Variants in CNTNAP5 observed in about 807,000 individuals in gnomAD.
CNTNAP5 encodes contactin-associated protein-like 5.
CNTNAP5 carries 72 observed loss-of-function variants against 150.2 expected under a neutral mutation model. The observed-to-expected ratio is 0.48, with a 90% CI of 0.40 to 0.58. The LOEUF (loss-of-function observed/expected upper bound fraction) is 0.58, where lower values mean the gene tolerates loss of function less well. Among genes scored for constraint, CNTNAP5 ranks in the 20% least tolerant of loss-of-function variants. CNTNAP5 has a pLI of 0.00. For missense variants in CNTNAP5, 1,636 were observed against 1,626.2 expected (o/e 1.01, Z -0.10); for synonymous variants, 672 against 619.8 (o/e 1.08, Z -1.25).
chr2:124,909,172 C>A (rs904083584), intron 22 of CNTNAP5, among the ~76,000 whole-genome samples: 4 of 152,146 alleles, frequency 2.6e-5, no homozygotes, highest in African/African-American at 9.7e-5. Flanking sequence ...TCCAGTCCTG[C>A]AGGCTCCATT....
At chr2:124,737,319 G>A (rs980646856) in intron 13 of CNTNAP5, among the ~76,000 whole-genome samples, 1 of 151,458 alleles carries the variant, frequency 6.6e-6, no homozygotes, top group Admixed American at 6.6e-5. Context: ...GGGAACGATA[G>A]CGTGATGTTG....
chr2:124,462,593 T>C (rs1432201175), intron 6 of CNTNAP5, among the ~76,000 whole-genome samples: 3 of 152,228 alleles, frequency 2.0e-5, no homozygotes, highest in African/African-American at 4.8e-5. Flanking sequence ...TAGTAGGTTT[T>C]AATTAGTGTG....
intron 1 of CNTNAP5, among the ~76,000 whole-genome samples, chr2:124,199,686 A>T (rs1175983146): frequency 6.6e-6 from 1 of 152,194 alleles, no homozygotes; most frequent in East Asian, 1.9e-4. Flanking sequence ...ACGAGCTGGG[A>T]TTACAGGCAT....
intron 17 of CNTNAP5, among the ~76,000 whole-genome samples, chr2:124,787,629 C>T (rs979954230): frequency 6.6e-6 from 1 of 152,164 alleles, no homozygotes; most frequent in Non-Finnish European, 1.5e-5. Context: ...CTTCTCTCCC[C>T]ACTCTCCCCT....
intron 11 of CNTNAP5, among the ~76,000 whole-genome samples, chr2:124,571,084 A>C (rs1696142412): frequency 6.6e-6 from 1 of 152,242 alleles, no homozygotes. Flanking sequence ...GGTTCCTGAC[A>C]AATACAAATT....
At position 124,636,603 on chromosome 2, in the gene CNTNAP5, G is replaced by A. The variant is rs187498166; in HGVS notation, c.1877-11155G>A. Among the ~76,000 whole-genome samples the A allele has an allele frequency of 3.6e-3, 545 of 152,028 alleles. 1 individual carries two copies. Among genetic ancestry groups the A allele is most frequent in the Non-Finnish European group, 6.3e-3 (429 of 67,986 alleles). On this transcript the variant is annotated intron_variant, in intron 12 of 23. Transcript: ENST00000682447. ...GTAATTTAGTTTAAATTTAGTAATA[G>A]CTTTCTGGTCATTATTTTGCCAATT...
At chr2:124,802,955 T>G (rs1197352998) in intron 19 of CNTNAP5, among the ~76,000 whole-genome samples, 1 of 151,736 alleles carries the variant, frequency 6.6e-6, no homozygotes, top group Admixed American at 6.6e-5. Context: ...AAAACTCATC[T>G]CTACAAAAAA....
chr2:124,884,072 C>T (rs1457555957), intron 21 of CNTNAP5, among the ~76,000 whole-genome samples: 4 of 151,994 alleles, frequency 2.6e-5, no homozygotes, highest in African/African-American at 9.7e-5. Context: ...TGTGTATGTG[C>T]ATATCTGTCA....
At chr2:124,850,356 G>A (rs1683130069) in intron 19 of CNTNAP5, among the ~76,000 whole-genome samples, 1 of 152,162 alleles carries the variant, frequency 6.6e-6, no homozygotes, top group Admixed American at 6.6e-5. Flanking sequence ...AAAATGAGAT[G>A]TGGATAGAGA....
intron 19 of CNTNAP5, among the ~76,000 whole-genome samples, chr2:124,857,187 C>T (rs934419177): frequency 1.3e-5 from 2 of 152,144 alleles, no homozygotes; most frequent in Non-Finnish European, 2.9e-5. Context: ...CACTTCAACT[C>T]GTGCAGCTCT....
At chr2:124,265,943 T>C (rs540241260) in intron 3 of CNTNAP5, among the ~76,000 whole-genome samples, 1 of 152,290 alleles carries the variant, frequency 6.6e-6, no homozygotes, top group Non-Finnish European at 1.5e-5. Context: ...CAAATGTGTC[T>C]AGTGTTGACA....
chr2:124,610,810 T>C (rs998377596), intron 12 of CNTNAP5, among the ~76,000 whole-genome samples: 3 of 151,972 alleles, frequency 2.0e-5, no homozygotes, highest in Non-Finnish European at 4.4e-5. Context: ...AATACAAAAA[T>C]TAGCTGGGTG....
At chr2:124,317,690 A>T (rs1689000819) in intron 3 of CNTNAP5, among the ~76,000 whole-genome samples, 1 of 152,200 alleles carries the variant, frequency 6.6e-6, no homozygotes, top group African/African-American at 2.4e-5. Flanking sequence ...ATTAAAGTCT[A>T]AGAGCCAGTT....
chr2:124,490,887 T>C (rs901063870), intron 7 of CNTNAP5, among the ~76,000 whole-genome samples: 18 of 152,286 alleles, frequency 1.2e-4, no homozygotes, highest in African/African-American at 4.1e-4. Context: ...TTTTAAATAC[T>C]GCTACTAGAA....
At chr2:124,913,287 T>A (rs896443091) in intron 23 of CNTNAP5, among the ~76,000 whole-genome samples, 1 of 152,158 alleles carries the variant, frequency 6.6e-6, no homozygotes, top group Admixed American at 6.6e-5. Flanking sequence ...GAGACACATC[T>A]GCCGCTTCCA....
chr2:124,214,200 AC>A (rs1204036493), intron 1 of CNTNAP5, among the ~76,000 whole-genome samples: 1 of 152,160 alleles, frequency 6.6e-6, no homozygotes, highest in African/African-American at 2.4e-5. Context: ...TGCTGCTGCT[AC>A]CTTGTTATGC....
Position 124,589,575 on chromosome 2 carries a change from C to T in CNTNAP5, c.1757-20226C>T, listed in dbSNP as rs985434516. Among the ~76,000 whole-genome samples, 14 of 152,192 alleles carry T rather than the reference C, an allele frequency of 9.2e-5. 1 individual carries two copies. The highest frequency in any genetic ancestry group is 6.2e-4 in the South Asian group (3 of 4,826). On this transcript the variant is annotated intron_variant, in intron 11 of 23. Coordinates refer to ENST00000682447, the MANE Select transcript of CNTNAP5 (RefSeq NM_001367498.1). ...TGACTTAACCTCCTGCCTCCTTTTT[C>T]GACTTTGTACCTTGACATAATTTAT...
At chr2:124,142,730 C>T (rs1471072908) in intron 1 of CNTNAP5, among the ~76,000 whole-genome samples, 3 of 134,060 alleles carry the variant, frequency 2.2e-5, no homozygotes, top group Non-Finnish European at 4.7e-5. Flanking sequence ...ATTAAAAGAA[C>T]TAGAAAAGCA....
At chr2:124,627,579 T>C (rs1159413745) in intron 12 of CNTNAP5, among the ~76,000 whole-genome samples, 1 of 145,538 alleles carries the variant, frequency 6.9e-6, no homozygotes, top group African/African-American at 2.5e-5. Context: ...ACCCTCAAGA[T>C]CAAAGGTAGA....
Sources: gnomAD v4.1 joint callset for allele counts (sites outside exome capture counted in the v4.1 genomes callset) on GRCh38, gnomAD v4.1.1 for gene constraint, MANE v1.5 for transcripts, NCBI Gene and HGNC (gene_info 2026-07-23, HGNC 2026-07-21) for gene names.